The following PPEF1 variants were observed in gnomAD, a reference collection of about 807,000 sequenced individuals.
PPEF1 encodes serine/threonine-protein phosphatase with EF-hands 1.
Under a neutral mutation model 53.3 loss-of-function variants are expected in PPEF1, and 12 were observed. That is an observed-to-expected ratio of 0.23 (90% CI 0.14 to 0.36). The LOEUF is 0.36. Among genes scored for constraint, PPEF1 ranks in the 10% least tolerant of loss-of-function variants. The pLI is 1.00. For synonymous variants in PPEF1, 165 were observed against 176.7 expected, an observed-to-expected ratio of 0.93 and a Z score of 0.52; for missense variants, 334 against 490.4, an observed-to-expected ratio of 0.68 and a Z score of 3.01.
intron 1 of PPEF1, among the ~76,000 whole-genome samples, chrX:18,716,960 G>A (rs191239488): frequency 1.4e-3 from 154 of 110,305 alleles, no homozygotes; most frequent in Non-Finnish European, 2.5e-3. Context: ...GGAGGGGTAG[G>A]TAGGGGAGGG....
At chrX:18,695,440 G>C in intron 4 of PPEF1, among the ~76,000 whole-genome samples, 1 of 112,671 alleles carries the variant, frequency 8.9e-6, no homozygotes, top group East Asian at 2.8e-4. Context: ...GAAGAGAAGG[G>C]ATGAACACAG....
At chrX:18,711,878 C>T (rs12007382) in intron 1 of PPEF1, among the ~76,000 whole-genome samples, 4,915 of 109,397 alleles carry the variant, frequency 0.045, 282 homozygotes, top group African/African-American at 0.15. Context: ...CCTCAGCCTC[C>T]GGAGTAGCTG....
At chrX:18,702,469 G>A (rs1322365542) in intron 6 of PPEF1, among the ~76,000 whole-genome samples, 4 of 106,558 alleles carry the variant, frequency 3.8e-5, no homozygotes, top group African/African-American at 1.0e-4. Flanking sequence ...AGAGAGGGTC[G>A]TGTCAGGGTG....
At chrX:18,785,170 C>G (rs934549279) in intron 9 of PPEF1, among the ~76,000 whole-genome samples, 2 of 111,762 alleles carry the variant, frequency 1.8e-5, no homozygotes, top group East Asian at 5.6e-4. Flanking sequence ...CTGGTATCCT[C>G]CCATCTTTTT....
intron 12 of PPEF1, among the ~76,000 whole-genome samples, chrX:18,813,030 G>A (rs374965384): frequency 2.7e-5 from 3 of 111,442 alleles, no homozygotes; most frequent in Non-Finnish European, 5.6e-5. Flanking sequence ...GTGAGCCACC[G>A]CACTTGGCCT....
chrX:18,720,485 G>A (rs778232058), intron 1 of PPEF1, among the ~76,000 whole-genome samples: 1 of 110,391 alleles, frequency 9.1e-6, no homozygotes, highest in East Asian at 2.9e-4. Context: ...TCAGCTACTC[G>A]GGAAGCTGAA....
intron 5 of PPEF1, 85 bp from the exon 6 acceptor site, chrX:18,761,445 G>T: frequency 1.2e-6 from 1 of 829,126 alleles, no homozygotes; most frequent in Non-Finnish European, 1.8e-6. Context: ...GAGAACACTT[G>T]GAGTGGATCA....
intron 2 of PPEF1, among the ~76,000 whole-genome samples, chrX:18,685,674 G>A (rs1431057674): frequency 5.7e-5 from 5 of 88,248 alleles, no homozygotes; most frequent in Admixed American, 2.8e-4. Flanking sequence ...GAAAGAGCGA[G>A]ACTCCATCTC....
intron 4 of PPEF1, among the ~76,000 whole-genome samples, chrX:18,693,521 G>A (rs989435698): frequency 2.7e-5 from 3 of 112,168 alleles, no homozygotes; most frequent in African/African-American, 9.7e-5. Flanking sequence ...TGCAAAAACC[G>A]CAGTTACTTT....
At chrX:18,792,651 C>G (rs5909238) in intron 10 of PPEF1, among the ~76,000 whole-genome samples, 46 of 110,197 alleles carry the variant, frequency 4.2e-4, no homozygotes, top group Non-Finnish European at 4.0e-4. Context: ...CTATTGTTGT[C>G]TATTCTCTAT....
chrX:18,757,593 C>A, intron 4 of PPEF1, 34 bp from the exon 5 acceptor site: 1 of 1,053,956 alleles, frequency 9.5e-7, no homozygotes, highest in South Asian at 1.9e-5. Flanking sequence ...CTTCCTTGTT[C>A]ATTACATCTA....
intron 10 of PPEF1, among the ~76,000 whole-genome samples, chrX:18,792,202 G>C (rs968153110): frequency 2.7e-5 from 3 of 112,448 alleles, no homozygotes; most frequent in African/African-American, 9.7e-5. Flanking sequence ...GAATTGGAAA[G>C]TATTGTCTCC....
At chrX:18,729,721 T>G (rs932526568) in intron 1 of PPEF1, among the ~76,000 whole-genome samples, 7 of 112,394 alleles carry the variant, frequency 6.2e-5, no homozygotes, top group African/African-American at 2.3e-4. Context: ...GTCTCCTTGA[T>G]GGACTGTGTG....
intron 1 of PPEF1, among the ~76,000 whole-genome samples, chrX:18,715,611 C>G (rs767998295): frequency 1.5e-4 from 17 of 111,791 alleles, no homozygotes; most frequent in Non-Finnish European, 3.0e-4. Context: ...TAAGAGAGGA[C>G]TAATAATAGC....
At chrX:18,698,551 G>A (rs1929861759) in intron 5 of PPEF1, among the ~76,000 whole-genome samples, 1 of 111,938 alleles carries the variant, frequency 8.9e-6, no homozygotes, top group African/African-American at 3.2e-5. Flanking sequence ...CACTTTGGGA[G>A]GTCAAGGCAG....
At chrX:18,771,516 A>G (rs2045869913) in intron 6 of PPEF1, among the ~76,000 whole-genome samples, 1 of 111,632 alleles carries the variant, frequency 9.0e-6, no homozygotes, top group African/African-American at 3.3e-5. Context: ...ATGAGACTGT[A>G]TCCTGTGACA....
chrX:18,777,311 AATT>A (rs2045985979), intron 6 of PPEF1, among the ~76,000 whole-genome samples: 1 of 112,322 alleles, frequency 8.9e-6, no homozygotes, highest in Non-Finnish European at 1.9e-5. Flanking sequence ...AAATTTTTTC[AATT>A]ATTTCTATTA....
chrX:18,675,309 C>T (rs1050811932), upstream of PPEF1, among the ~76,000 whole-genome samples: 3 of 113,829 alleles, frequency 2.6e-5, no homozygotes, highest in Admixed American at 9.1e-5. Flanking sequence ...CGGCAGCTTC[C>T]TCCGCCCGCG....
intron 3 of PPEF1, among the ~76,000 whole-genome samples, chrX:18,735,666 A>C (rs1168188836): frequency 5.4e-5 from 6 of 112,003 alleles, no homozygotes; most frequent in Admixed American, 9.5e-5. Context: ...TCTGTGAAGA[A>C]AGTCATTGGT....
Sources: gnomAD v4.1 joint callset for allele counts (sites outside exome capture counted in the v4.1 genomes callset) on GRCh38, gnomAD v4.1.1 for gene constraint, MANE v1.5 for transcripts, NCBI Gene and HGNC (gene_info 2026-07-23, HGNC 2026-07-21) for gene names.